PNMA6E: variants seen among roughly 807,000 people sequenced by gnomAD.
PNMA6E encodes paraneoplastic antigen Ma6E.
For synonymous variants in PNMA6E, 43 were observed against 17.1 expected, an observed-to-expected ratio of 2.52 and a Z score of -3.74; for missense variants, 78 against 50.8, an observed-to-expected ratio of 1.53 and a Z score of -1.63.
chrX:153,408,266 T>C, the PNMA6E span, among the ~76,000 whole-genome samples: 4 of 112,549 alleles, frequency 3.6e-5, no homozygotes, highest in Admixed American at 9.3e-5. Context: ...AAGCTGCCAC[T>C]CAGGCAGTGG....
the PNMA6E span, among the ~76,000 whole-genome samples, chrX:153,409,638 T>C: frequency 8.9e-6 from 1 of 112,956 alleles, no homozygotes; most frequent in African/African-American, 3.2e-5. Flanking sequence ...CACCAATGTG[T>C]CCACACACGC....
chrX:153,398,176 T>C lies in PNMA6E; in HGVS notation c.674A>G (p.Glu225Gly). ...TCCTGCCTCACCTGCTGCTCCTGCC[T>C]CACCTACACCTCCTGCCTCACCTGC... is the stretch of plus-strand genomic sequence containing the variant. ...GGAGEAGGVG[E>G]AGAAGEAGGA... Residue 225 changes from glutamate (E) to glycine (G), a missense_variant, in exon 2 of 2, where the codon GAG becomes GGG. Coordinates refer to ENST00000445091, the MANE Select transcript of PNMA6E (RefSeq NM_001367770.1). The C allele has an allele frequency of 1.4e-5, 6 of 425,417 alleles. No homozygotes were observed. The South Asian group carries it at 1.9e-4, about 13-fold the overall frequency. 35.1% of individuals were successfully genotyped at this position (425,417 alleles called of 1,213,427 possible). A position where few individuals can be genotyped will look rare whatever the true frequency, so the allele number is the denominator to read the frequency against.
At chrX:153,411,062 T>C in the PNMA6E span, among the ~76,000 whole-genome samples, 1 of 111,247 alleles carries the variant, frequency 9.0e-6, no homozygotes, top group Admixed American at 9.5e-5. Context: ...CTGAGTCACC[T>C]TTCACCTCTT....
upstream of PNMA6E, among the ~76,000 whole-genome samples, chrX:153,402,479 G>A (rs1248475104): frequency 9.0e-6 from 1 of 110,744 alleles, no homozygotes; most frequent in East Asian, 2.8e-4. Flanking sequence ...ACTGCCCCCT[G>A]CACCCCGTCC....
At chrX:153,401,862 G>A (rs1457294360), upstream of PNMA6E, among the ~76,000 whole-genome samples, 2 of 71,694 alleles carry the variant, frequency 2.8e-5, no homozygotes, top group East Asian at 1.0e-3. Flanking sequence ...TTTGAGACTC[G>A]CTCTGTTGCC....
At chrX:153,410,110 C>T in the PNMA6E span, among the ~76,000 whole-genome samples, 2 of 111,214 alleles carry the variant, frequency 1.8e-5, no homozygotes, top group Non-Finnish European at 3.8e-5. Context: ...GGGGTGGATC[C>T]ACCCACCTCT....
In PNMA6E at chrX:153,397,286, C is replaced by A; in HGVS notation, c.1564G>T (p.Ala522Ser). The A allele has an allele frequency of 3.4e-6, 1 of 297,939 alleles. No individual in the cohort carries two copies. Among genetic ancestry groups the A allele is most frequent in the Non-Finnish European group, 5.9e-6 (1 of 170,283 alleles). The allele number at this position is 297,939 out of a possible 1,213,427, so 24.6% of individuals were successfully genotyped here. Reference protein sequence around the residue: ...VESEDPAAAQASPAQGNASEA... With the variant: ...VESEDPAAAQSSPAQGNASEA... ...CTGGCATTCCCCTGGGCTGGGGAGGCCTGGGCAGCAGCTGGGTCTTCACTC... is the reference window on the plus strand; with the variant it reads ...CTGGCATTCCCCTGGGCTGGGGAGGACTGGGCAGCAGCTGGGTCTTCACTC... Residue 522 changes from alanine (A) to serine (S), a missense_variant, in exon 2 of 2, where the codon GCC becomes TCC. Physicochemically the swap from Ala to Ser is moderately conservative, Grantham distance 99 (BLOSUM62 1). Coordinates refer to ENST00000445091, the MANE Select transcript of PNMA6E (RefSeq NM_001367770.1).
At position 153,397,117 on chromosome X, in the gene PNMA6E, G is replaced by T. The variant is rs1036471172; in HGVS notation, c.1733C>A (p.Pro578His). 1.6e-4 allele frequency: 49 copies of T among 296,969 alleles called. No individual in the cohort carries two copies. The highest frequency in any genetic ancestry group is 1.8e-4 in the Non-Finnish European group (30 of 170,186). 24.5% of individuals were successfully genotyped at this position (296,969 alleles called of 1,213,427 possible). A position where few individuals can be genotyped will look rare whatever the true frequency, so the allele number is the denominator to read the frequency against. Reference sequence around the variant, plus strand: ...CATCCGGGCTGGGGAGGAGCCCCAGGGGACCTCTATGGGCCTTGCCTGACC... The same window carrying T: ...CATCCGGGCTGGGGAGGAGCCCCAGTGGACCTCTATGGGCCTTGCCTGACC... ...GLGQARPIEVPWGSSPARMSS... is the reference protein window; with the variant it reads ...GLGQARPIEVHWGSSPARMSS... The change falls in exon 2 of 2, where the codon CCC becomes CAC. Residue 578 changes from proline to histidine, a missense_variant. Transcript: ENST00000445091.
At chrX:153,407,982 G>C in the PNMA6E span, among the ~76,000 whole-genome samples, 1 of 112,422 alleles carries the variant, frequency 8.9e-6, no homozygotes, top group East Asian at 2.8e-4. Flanking sequence ...CCAGAGCCAA[G>C]ACTTGAGGTT....
At chrX:153,405,674 G>A (rs2088874116), upstream of PNMA6E, among the ~76,000 whole-genome samples, 2 of 106,818 alleles carry the variant, frequency 1.9e-5, 1 homozygote, top group South Asian at 8.6e-4. Flanking sequence ...GCCCTGCTAT[G>A]AGCAGCCCTA....
chrX:153,411,247 C>T, the PNMA6E span, among the ~76,000 whole-genome samples: 1 of 112,750 alleles, frequency 8.9e-6, no homozygotes, highest in South Asian at 3.7e-4. Flanking sequence ...TCTGCCAACG[C>T]GGGTCCCTCC....
chrX:153,405,593 A>G (rs1197665101), upstream of PNMA6E, among the ~76,000 whole-genome samples: 1 of 75,225 alleles, frequency 1.3e-5, no homozygotes, highest in African/African-American at 5.3e-5. Flanking sequence ...CCACACACAC[A>G]TAGATCCCCC....
chrX:153,410,181 C>A, the PNMA6E span, among the ~76,000 whole-genome samples: 3 of 111,367 alleles, frequency 2.7e-5, no homozygotes, highest in Non-Finnish European at 5.7e-5. Context: ...TTCTCTGTGT[C>A]TCTCTCTCCT....
chrX:153,397,122 C>T lies in PNMA6E; in HGVS notation c.1728G>A (p.Glu576=). Residue 576 remains glutamate (E), a synonymous_variant, in exon 2 of 2, where the codon GAG becomes GAA. Transcript: ENST00000445091. ...GGGCTGGGGAGGAGCCCCAGGGGAC[C>T]TCTATGGGCCTTGCCTGACCTAGGC... ...PEGLGQARPI[E]VPWGSSPARM... is the part of the protein sequence containing the mutation. 3.4e-6 allele frequency: 1 copy of T among 298,109 alleles called. No individual in the cohort carries two copies. Among genetic ancestry groups the T allele is most frequent in the East Asian group, 4.7e-5 (1 of 21,068 alleles). The allele number at this position is 298,109 out of a possible 1,213,427, so 24.6% of individuals were successfully genotyped here. A position where few individuals can be genotyped will look rare whatever the true frequency, so the allele number is the denominator to read the frequency against.
the PNMA6E span, among the ~76,000 whole-genome samples, chrX:153,412,071 G>A: frequency 8.8e-6 from 1 of 113,027 alleles, no homozygotes; most frequent in East Asian, 2.8e-4. Flanking sequence ...GGCATTGTGA[G>A]GTTGTGGCAC....
chrX:153,408,108 C>G, the PNMA6E span, among the ~76,000 whole-genome samples: 1 of 112,611 alleles, frequency 8.9e-6, no homozygotes, highest in Non-Finnish European at 1.9e-5. Context: ...TGTGATCAGA[C>G]TGGGAGAGTC....
Position 153,396,975 on chromosome X carries a change from C to T in PNMA6E, c.1875G>A (p.Glu625=). ...PPLEGLQTIL[E]EPENEDEDGA... is the part of the protein sequence containing the mutation. ...CATCCTCATCCTCGTTTTCCGGCTC[C>T]TCCAAGATGGTCTGGAGCCCCTCCA... Residue 625 remains glutamate, a synonymous_variant, in exon 2 of 2, where the codon GAG becomes GAA. Coordinates refer to ENST00000445091, the MANE Select transcript of PNMA6E (RefSeq NM_001367770.1). 3.4e-6 allele frequency: 1 copy of T among 298,082 alleles called. No individual in the cohort carries two copies. The allele number at this position is 298,082 out of a possible 1,213,427, so 24.6% of individuals were successfully genotyped here. A position where few individuals can be genotyped will look rare whatever the true frequency, so the allele number is the denominator to read the frequency against.
At chrX:153,400,523 TC>T (rs782166707) in intron 1 of PNMA6E, among the ~76,000 whole-genome samples, 1 of 111,831 alleles carries the variant, frequency 8.9e-6, no homozygotes, top group Non-Finnish European at 1.9e-5. Context: ...GACATGAGCC[TC>T]CCTCTGTGGC....
At chrX:153,406,565 C>T in the PNMA6E span, among the ~76,000 whole-genome samples, 5 of 112,716 alleles carry the variant, frequency 4.4e-5, no homozygotes, top group Non-Finnish European at 7.5e-5. Context: ...GGGGATGCCA[C>T]GCACCAATGC....
Sources: allele counts gnomAD v4.1 joint callset (sites outside exome capture counted in the v4.1 genomes callset), GRCh38; gene constraint gnomAD v4.1.1; transcripts MANE v1.5; gene names NCBI Gene and HGNC (gene_info 2026-07-23, HGNC 2026-07-21).